The following TMEM267 variants were observed in gnomAD, a reference collection of about 807,000 sequenced individuals.
TMEM267 encodes the protein transmembrane protein C5orf28.
Under a neutral mutation model 19.3 loss-of-function variants are expected in TMEM267, and 20 were observed. The ratio of observed to expected loss-of-function variants is 1.04; its 90% CI spans 0.73 to 1.51. The LOEUF is 1.51. Among genes scored for constraint, TMEM267 ranks in the 40% most tolerant of loss-of-function variants. The pLI is 0.00. For synonymous variants in TMEM267, 88 were observed against 90.3 expected (o/e 0.97, Z 0.15); for missense variants, 242 against 261.9 (o/e 0.92, Z 0.52).
Position 43,444,267 on chromosome 5 carries a change from C to G in TMEM267, c.*1955G>C, listed in dbSNP as rs557270288. 1.3e-5 allele frequency: 2 copies of G among 152,168 alleles called. No homozygotes were observed. The highest frequency in any genetic ancestry group is 4.8e-5 in the African/African-American group (2 of 41,510). The allele number at this position is 152,168 out of a possible 1,614,324, so 9.4% of individuals were successfully genotyped here. On this transcript the variant is annotated 3_prime_UTR_variant, in exon 3 of 3. Coordinates refer to ENST00000397080, the MANE Select transcript of TMEM267 (RefSeq NM_022483.5). ...ACCCAAAAAATGCCTATGTAGCATT[C>G]TTATTTATTTATTTTATGTTTATTT...
intron 1 of TMEM267, among the ~76,000 whole-genome samples, chr5:43,480,463 G>A (rs1744689646): frequency 6.6e-6 from 1 of 151,804 alleles, no homozygotes; most frequent in Non-Finnish European, 1.5e-5. Flanking sequence ...ACAGGCAAGT[G>A]CCACCAAGCT....
chr5:43,463,339 C>T (rs1398865920), intron 1 of TMEM267, among the ~76,000 whole-genome samples: 1 of 152,194 alleles, frequency 6.6e-6, no homozygotes. Context: ...GATGTATTCA[C>T]AGCCGAATTC....
intron 1 of TMEM267, among the ~76,000 whole-genome samples, chr5:43,474,016 A>G (rs546239201): frequency 2.6e-5 from 4 of 152,366 alleles, no homozygotes; most frequent in African/African-American, 4.8e-5. Flanking sequence ...CAATGGGGAA[A>G]GGAATTCCTA....
At chr5:43,452,478 A>G (rs1050015632) in intron 2 of TMEM267, among the ~76,000 whole-genome samples, 2 of 152,092 alleles carry the variant, frequency 1.3e-5, no homozygotes, top group African/African-American at 4.8e-5. Flanking sequence ...GGTGAGAGAT[A>G]AAATACTATT....
At chr5:43,478,559 G>A (rs542559331) in intron 1 of TMEM267, among the ~76,000 whole-genome samples, 1 of 152,094 alleles carries the variant, frequency 6.6e-6, no homozygotes, top group African/African-American at 2.4e-5. Flanking sequence ...AATCTGATAG[G>A]CATGACTACA....
chr5:43,474,921 T>C (rs879547430), intron 1 of TMEM267, among the ~76,000 whole-genome samples: 3 of 152,160 alleles, frequency 2.0e-5, no homozygotes, highest in Admixed American at 6.5e-5. Context: ...GCTTTTACAC[T>C]GTTGGTGGGA....
At chr5:43,451,028 G>A (rs768884503) in intron 2 of TMEM267, among the ~76,000 whole-genome samples, 6 of 151,792 alleles carry the variant, frequency 4.0e-5, no homozygotes, top group African/African-American at 7.3e-5. Context: ...TAGTAGAGAC[G>A]GGATTTCACC....
rs1051086317 is a variant in TMEM267 at position 43,444,755 on chromosome 5, C to G, written c.*1467G>C. On this transcript the variant is annotated 3_prime_UTR_variant, in exon 3 of 3. Transcript: ENST00000397080. ...AAAAAAAAACTCTAATCAAATTTAC[C>G]CCCACTATATAATATTTACCATTAT... 1.4e-4 allele frequency: 22 copies of G among 151,818 alleles called. No homozygotes were observed. The highest frequency in any genetic ancestry group is 2.2e-4 in the Non-Finnish European group (15 of 67,970). 9.4% of individuals were successfully genotyped at this position (151,818 alleles called of 1,614,324 possible).
chr5:43,460,457 G>GA (rs749971437), intron 1 of TMEM267, among the ~76,000 whole-genome samples: 4 of 151,304 alleles, frequency 2.6e-5, no homozygotes, highest in South Asian at 2.1e-4. Context: ...TATCTACACA[G>GA]AAAAAAAATA....
intron 1 of TMEM267, chr5:43,479,782 C>T (rs1418184585): frequency 8.0e-6 from 3 of 372,922 alleles, no homozygotes; most frequent in African/African-American, 6.6e-5. Context: ...TTCTCTAAAG[C>T]ATTAAGATGG....
intron 1 of TMEM267, among the ~76,000 whole-genome samples, chr5:43,474,733 C>T (rs185744843): frequency 0.012 from 1,659 of 140,914 alleles, 44 homozygotes; most frequent in African/African-American, 0.043. Flanking sequence ...CACTCCAGCC[C>T]GGGCAACAAG....
At chr5:43,460,895 C>T (rs1239704325) in intron 1 of TMEM267, among the ~76,000 whole-genome samples, 1 of 152,160 alleles carries the variant, frequency 6.6e-6, no homozygotes, top group African/African-American at 2.4e-5. Flanking sequence ...CAGTGTAGGC[C>T]TTAAGGACTG....
chr5:43,470,770 G>A (rs1579820836), intron 1 of TMEM267, among the ~76,000 whole-genome samples: 1 of 152,104 alleles, frequency 6.6e-6, no homozygotes, highest in East Asian at 1.9e-4. Flanking sequence ...GATATAAAAG[G>A]CAACCAAATT....
chr5:43,462,253 T>C (rs1002086924), intron 1 of TMEM267, among the ~76,000 whole-genome samples: 1 of 152,176 alleles, frequency 6.6e-6, no homozygotes, highest in Non-Finnish European at 1.5e-5. Context: ...AAAGCAGATA[T>C]AGTTTAGATT....
chr5:43,479,681 C>T (rs1579836918), intron 1 of TMEM267, among the ~76,000 whole-genome samples: 1 of 152,098 alleles, frequency 6.6e-6, no homozygotes, highest in South Asian at 2.1e-4. Flanking sequence ...TTATGTGAAG[C>T]GTACTTACTT....
intron 1 of TMEM267, among the ~76,000 whole-genome samples, chr5:43,457,634 T>A (rs1743028320): frequency 6.6e-6 from 1 of 152,124 alleles, no homozygotes; most frequent in Non-Finnish European, 1.5e-5. Flanking sequence ...ACCAGTCACC[T>A]CCCACCAGGC....
chr5:43,463,425 CCTAA>C (rs1441248496), intron 1 of TMEM267, among the ~76,000 whole-genome samples: 10 of 152,142 alleles, frequency 6.6e-5, no homozygotes, highest in African/African-American at 1.7e-4. Flanking sequence ...GGGAATCCTC[CCTAA>C]CTCATTTTAT....
At chr5:43,472,700 A>G (rs1329798498) in intron 1 of TMEM267, among the ~76,000 whole-genome samples, 2 of 152,148 alleles carry the variant, frequency 1.3e-5, no homozygotes, top group Non-Finnish European at 2.9e-5. Context: ...ACAGAAACAC[A>G]AATATCACAT....
chr5:43,466,818 G>A (rs1015771101), intron 1 of TMEM267, among the ~76,000 whole-genome samples: 12 of 152,092 alleles, frequency 7.9e-5, no homozygotes, highest in Non-Finnish European at 1.3e-4. Flanking sequence ...CATCCCCAGA[G>A]AAAATCATTT....
Sources: allele counts gnomAD v4.1 joint callset (sites outside exome capture counted in the v4.1 genomes callset), GRCh38; gene constraint gnomAD v4.1.1; transcripts MANE v1.5; gene names NCBI Gene and HGNC (gene_info 2026-07-23, HGNC 2026-07-21).